Variants in FBXL2 observed in about 807,000 individuals in gnomAD.
FBXL2 encodes F-box/LRR-repeat protein 2.
FBXL2 carries 38 observed loss-of-function variants against 69.2 expected under a neutral mutation model. That is an observed-to-expected ratio of 0.55 (90% CI 0.42 to 0.72). The LOEUF (loss-of-function observed/expected upper bound fraction) is 0.72, where lower values mean the gene tolerates loss of function less well. Ranked by LOEUF, FBXL2 falls within the 30% of genes least tolerant of loss-of-function variation. FBXL2 has a pLI of 0.00. For missense variants in FBXL2, 354 were observed against 520.3 expected (o/e 0.68, Z 3.11); for synonymous variants, 192 against 201.3 (o/e 0.95, Z 0.39).
At chr3:33,394,712 T>G (rs2154054802) in intron 12 of FBXL2, among the ~76,000 whole-genome samples, 1 of 152,018 alleles carries the variant, frequency 6.6e-6, no homozygotes, top group African/African-American at 2.4e-5. Context: ...AATTTTCCAT[T>G]ACATAAAAGA....
In FBXL2 at chr3:33,333,923, AT is replaced by A. The variant is rs551474439; in HGVS notation, c.66-25034del. On this transcript the variant is annotated intron_variant, in intron 2 of 14. Transcript: ENST00000484457. ...CCCTTCTATATCACTTACTAACAAG[AT>A]TTTTTTTTTAATATAGTGGCTCAAG... Among the ~76,000 whole-genome samples, 21 of 150,406 alleles carry A rather than the reference AT, an allele frequency of 1.4e-4. No individual in the cohort carries two copies. In the East Asian group the frequency reaches 1.9e-3, roughly 14 times the overall value.
chr3:33,373,016 G>T (rs2042392652), intron 5 of FBXL2, 76 bp from the exon 6 acceptor site: 1 of 1,241,926 alleles, frequency 8.1e-7, no homozygotes, highest in African/African-American at 1.5e-5. Context: ...GCTGTTCTAA[G>T]CGTGAATGGT....
intron 2 of FBXL2, among the ~76,000 whole-genome samples, chr3:33,332,505 A>G (rs1401615984): frequency 6.6e-6 from 1 of 152,246 alleles, no homozygotes; most frequent in Middle Eastern, 3.2e-3. Flanking sequence ...CACAATAGCC[A>G]GAATGTGGGA....
intron 13 of FBXL2, among the ~76,000 whole-genome samples, chr3:33,380,770 G>C (rs1183607278): frequency 2.0e-5 from 3 of 152,098 alleles, no homozygotes; most frequent in Non-Finnish European, 4.4e-5. Flanking sequence ...GACACCTGCT[G>C]ATGGCAATTA....
intron 2 of FBXL2, among the ~76,000 whole-genome samples, chr3:33,339,444 T>C (rs2039844420): frequency 6.6e-6 from 1 of 152,098 alleles, no homozygotes; most frequent in East Asian, 1.9e-4. Flanking sequence ...AGCAAACTAA[T>C]TCAGGAACAC....
intron 2 of FBXL2, among the ~76,000 whole-genome samples, chr3:33,350,784 G>A (rs531427812): frequency 3.7e-4 from 56 of 151,944 alleles, no homozygotes; most frequent in African/African-American, 1.3e-3. Flanking sequence ...CCTGAGATTG[G>A]GAAAGAAAAA....
intron 2 of FBXL2, among the ~76,000 whole-genome samples, chr3:33,358,271 C>T (rs1472724886): frequency 6.6e-6 from 1 of 152,200 alleles, no homozygotes; most frequent in Non-Finnish European, 1.5e-5. Context: ...GAGGCGCACA[C>T]GGCTGTTTGC....
At chr3:33,393,118 G>A (rs1458839274) in intron 12 of FBXL2, 2 of 591,262 alleles carry the variant, frequency 3.4e-6, no homozygotes, top group Admixed American at 3.8e-5. Flanking sequence ...AGTTTTCCTT[G>A]GCTTGTATTC....
chr3:33,368,066 A>C (rs953557169), intron 5 of FBXL2, among the ~76,000 whole-genome samples: 1 of 152,192 alleles, frequency 6.6e-6, no homozygotes, highest in African/African-American at 2.4e-5. Flanking sequence ...TGATCACAGA[A>C]CATAGTTATA....
downstream of FBXL2, chr3:33,390,250 C>T: frequency 7.1e-7 from 1 of 1,404,984 alleles, no homozygotes. Context: ...AAATCCAATC[C>T]CAAGACTTCT....
intron 1 of FBXL2, among the ~76,000 whole-genome samples, chr3:33,291,240 T>C (rs180683021): frequency 2.0e-5 from 3 of 152,328 alleles, no homozygotes; most frequent in Admixed American, 2.0e-4. Flanking sequence ...GGAAGAACTT[T>C]TTTAAAGTGC....
At chr3:33,392,428 T>G, downstream of FBXL2, 1 of 732,824 alleles carries the variant, frequency 1.4e-6, no homozygotes, top group East Asian at 3.0e-5. Flanking sequence ...ACTAGAAATA[T>G]TCTCATTTAT....
At chr3:33,405,804 C>T (rs1023349597), downstream of FBXL2, among the ~76,000 whole-genome samples, 1 of 151,998 alleles carries the variant, frequency 6.6e-6, no homozygotes, top group South Asian at 2.1e-4. Flanking sequence ...GTGTCAAGAC[C>T]ACTGGTGTAA....
intron 14 of FBXL2, among the ~76,000 whole-genome samples, chr3:33,385,286 C>T (rs187765800): frequency 1.3e-4 from 20 of 152,150 alleles, no homozygotes; most frequent in Admixed American, 1.0e-3. Context: ...TGGGTGGAAA[C>T]GTATCAACGT....
At chr3:33,336,002 T>C (rs1451390377) in intron 2 of FBXL2, among the ~76,000 whole-genome samples, 1 of 152,200 alleles carries the variant, frequency 6.6e-6, no homozygotes, top group Non-Finnish European at 1.5e-5. Flanking sequence ...AGGAGGTACG[T>C]CATGTTTATG....
chr3:33,344,102 T>A (rs2040267081), intron 2 of FBXL2, among the ~76,000 whole-genome samples: 1 of 147,972 alleles, frequency 6.8e-6, no homozygotes, highest in East Asian at 2.0e-4. Context: ...AAGATAACAC[T>A]CATAATACAA....
At chr3:33,307,744 A>G (rs1465331497) in intron 2 of FBXL2, among the ~76,000 whole-genome samples, 3 of 152,134 alleles carry the variant, frequency 2.0e-5, no homozygotes, top group Non-Finnish European at 4.4e-5. Context: ...CAAATGCAGT[A>G]TAATTTAGCT....
chr3:33,404,960 C>T (rs1188440087), downstream of FBXL2, among the ~76,000 whole-genome samples: 5 of 152,130 alleles, frequency 3.3e-5, no homozygotes, highest in Non-Finnish European at 7.3e-5. Context: ...TCTATTTTTA[C>T]ATGTAATAAA....
intron 2 of FBXL2, among the ~76,000 whole-genome samples, chr3:33,328,259 C>T (rs1207057134): frequency 6.6e-6 from 1 of 151,982 alleles, no homozygotes; most frequent in African/African-American, 2.4e-5. Context: ...TTAATATTGT[C>T]AAAATGAATA....
Sources: gnomAD v4.1 joint callset for allele counts (sites outside exome capture counted in the v4.1 genomes callset) on GRCh38, gnomAD v4.1.1 for gene constraint, MANE v1.5 for transcripts, NCBI Gene and HGNC (gene_info 2026-07-23, HGNC 2026-07-21) for gene names.